The following LINGO2 variants were observed in gnomAD, a reference collection of about 807,000 sequenced individuals.
The protein encoded by LINGO2 is leucine rich repeat and Ig domain containing 2.
Under a neutral mutation model 30.6 loss-of-function variants are expected in LINGO2, and 14 were observed. The ratio of observed to expected loss-of-function variants is 0.46; its 90% CI spans 0.30 to 0.72. The LOEUF is 0.72. Ranked by LOEUF, LINGO2 falls within the 30% of genes least tolerant of loss-of-function variation. LINGO2 has a pLI of 0.07. For missense variants in LINGO2, 729 were observed against 751.7 expected (o/e 0.97, Z 0.35); for synonymous variants, 317 against 288.5 (o/e 1.10, Z -1.00).
At chr9:28,712,186 C>T in the LINGO2 span, among the ~76,000 whole-genome samples, 10 of 152,080 alleles carry the variant, frequency 6.6e-5, no homozygotes, top group African/African-American at 9.6e-5. Flanking sequence ...AAAATGTACC[C>T]GGTAATTCAG....
At chr9:28,053,847 A>C (rs558723783) in intron 4 of LINGO2, among the ~76,000 whole-genome samples, 1 of 152,104 alleles carries the variant, frequency 6.6e-6, no homozygotes, top group Non-Finnish European at 1.5e-5. Flanking sequence ...AGGTACTTGC[A>C]CTCTAATTGG....
At chr9:28,493,795 G>T (rs528895778) in intron 1 of LINGO2, among the ~76,000 whole-genome samples, 1 of 152,054 alleles carries the variant, frequency 6.6e-6, no homozygotes, top group Admixed American at 6.6e-5. Flanking sequence ...CTGCCAGCAC[G>T]GTCAGAATAA....
At chr9:28,353,660 C>T (rs1288407711) in intron 3 of LINGO2, among the ~76,000 whole-genome samples, 1 of 152,114 alleles carries the variant, frequency 6.6e-6, no homozygotes, top group South Asian at 2.1e-4. Flanking sequence ...TGGATATATA[C>T]CCAGAGGACT....
At chr9:28,729,717 T>G in the LINGO2 span, among the ~76,000 whole-genome samples, 1 of 151,698 alleles carries the variant, frequency 6.6e-6, no homozygotes, top group African/African-American at 2.4e-5. Context: ...AAAAAAATAT[T>G]AAAATCCTAC....
At chr9:28,576,076 C>A (rs1823970743) in intron 1 of LINGO2, among the ~76,000 whole-genome samples, 1 of 152,036 alleles carries the variant, frequency 6.6e-6, no homozygotes, top group South Asian at 2.1e-4. Context: ...ATTAAATACA[C>A]CTGAACTCCC....
chr9:29,020,314 T>A, the LINGO2 span, among the ~76,000 whole-genome samples: 2 of 152,206 alleles, frequency 1.3e-5, no homozygotes, highest in African/African-American at 4.8e-5. Context: ...AGTACTGTTA[T>A]ACATAAGTAT....
At chr9:28,496,789 G>A (rs1284527369) in intron 1 of LINGO2, among the ~76,000 whole-genome samples, 1 of 152,122 alleles carries the variant, frequency 6.6e-6, no homozygotes, top group Non-Finnish European at 1.5e-5. Flanking sequence ...TTTTGCAGTG[G>A]CTGGTACCAG....
the LINGO2 span, among the ~76,000 whole-genome samples, chr9:28,783,220 T>C: frequency 1.6e-3 from 250 of 152,212 alleles, no homozygotes; most frequent in African/African-American, 5.7e-3. Flanking sequence ...TCCCTTGGTA[T>C]CCATGGGGAA....
At chr9:28,164,352 C>T (rs939048808) in intron 4 of LINGO2, among the ~76,000 whole-genome samples, 2 of 152,078 alleles carry the variant, frequency 1.3e-5, no homozygotes, top group African/African-American at 4.8e-5. Context: ...ATAAATTTGT[C>T]GAATGTTACT....
chr9:28,836,123 A>G, the LINGO2 span, among the ~76,000 whole-genome samples: 1 of 152,306 alleles, frequency 6.6e-6, no homozygotes, highest in East Asian at 1.9e-4. Flanking sequence ...CATGGCAGAA[A>G]CGATCCAAAC....
chr9:29,089,833 G>A, the LINGO2 span, among the ~76,000 whole-genome samples: 4 of 151,980 alleles, frequency 2.6e-5, no homozygotes, highest in African/African-American at 7.2e-5. Flanking sequence ...ATCATTATCT[G>A]ATGATTCCTA....
chr9:28,058,975 T>C (rs1341028750), intron 4 of LINGO2, among the ~76,000 whole-genome samples: 4 of 152,168 alleles, frequency 2.6e-5, no homozygotes, highest in African/African-American at 4.8e-5. Context: ...TTTCCTGTTA[T>C]GATGGTGTAT....
At chr9:28,922,800 C>T in the LINGO2 span, among the ~76,000 whole-genome samples, 1 of 152,144 alleles carries the variant, frequency 6.6e-6, no homozygotes, top group Non-Finnish European at 1.5e-5. Flanking sequence ...GATTTTCAAA[C>T]ATATGCCCGT....
the LINGO2 span, among the ~76,000 whole-genome samples, chr9:28,745,213 G>A: frequency 6.6e-6 from 1 of 151,986 alleles, no homozygotes; most frequent in African/African-American, 2.4e-5. Context: ...TCTTCCTATG[G>A]GTTGCCCCTG....
At chr9:28,438,663 G>T (rs1001640710) in intron 2 of LINGO2, among the ~76,000 whole-genome samples, 9 of 151,938 alleles carry the variant, frequency 5.9e-5, no homozygotes, top group African/African-American at 2.2e-4. Context: ...GGAGAACCCT[G>T]ACTAATGCAT....
chr9:28,226,950 T>C (rs1383496645), intron 4 of LINGO2, among the ~76,000 whole-genome samples: 2 of 152,162 alleles, frequency 1.3e-5, no homozygotes, highest in Non-Finnish European at 2.9e-5. Context: ...TTTTAATATT[T>C]GTATAGTTTT....
the LINGO2 span, among the ~76,000 whole-genome samples, chr9:28,988,377 T>G: frequency 6.6e-6 from 1 of 152,156 alleles, no homozygotes; most frequent in Non-Finnish European, 1.5e-5. Flanking sequence ...TCCATTTGCA[T>G]AGAAAATATT....
chr9:28,065,287 G>T (rs1825279492), intron 4 of LINGO2, among the ~76,000 whole-genome samples: 1 of 151,176 alleles, frequency 6.6e-6, no homozygotes, highest in Non-Finnish European at 1.5e-5. Flanking sequence ...TATTTGTTTT[G>T]TTCACTGCCA....
chr9:28,954,906 G>A, the LINGO2 span, among the ~76,000 whole-genome samples: 2 of 152,072 alleles, frequency 1.3e-5, no homozygotes, highest in African/African-American at 4.8e-5. Context: ...AACTAAGGCT[G>A]GACCAAGGGA....
Sources: allele counts gnomAD v4.1 joint callset (sites outside exome capture counted in the v4.1 genomes callset), GRCh38; gene constraint gnomAD v4.1.1; transcripts MANE v1.5; gene names NCBI Gene and HGNC (gene_info 2026-07-23, HGNC 2026-07-21).